Variants in EPHA6 observed in about 807,000 individuals in gnomAD.
EPHA6 encodes ephrin type-A receptor 6.
EPHA6 carries 50 observed loss-of-function variants against 112.0 expected under a neutral mutation model. That is an observed-to-expected ratio of 0.45 (90% confidence interval 0.36 to 0.56). The LOEUF is 0.56. Among genes scored for constraint, EPHA6 ranks in the 20% least tolerant of loss-of-function variants. The pLI, the probability that EPHA6 is intolerant of heterozygous loss-of-function variation, is 0.00. For synonymous variants in EPHA6, 529 were observed against 490.7 expected, an observed-to-expected ratio of 1.08 and a Z score of -1.03; for missense variants, 1,280 against 1,417.4, an observed-to-expected ratio of 0.90 and a Z score of 1.56.
intron 3 of EPHA6, among the ~76,000 whole-genome samples, chr3:97,030,844 A>G (rs2044804702): frequency 6.6e-6 from 1 of 152,028 alleles, no homozygotes; most frequent in Admixed American, 6.6e-5. Flanking sequence ...AAATTATGAG[A>G]GTTTTTCTAT....
intron 2 of EPHA6, among the ~76,000 whole-genome samples, chr3:96,970,885 A>C (rs1433089722): frequency 6.6e-6 from 1 of 152,110 alleles, no homozygotes; most frequent in African/African-American, 2.4e-5. Context: ...AATATGCTTC[A>C]TTCTCTATAA....
At chr3:97,470,606 C>T (rs1458377895) in intron 7 of EPHA6, among the ~76,000 whole-genome samples, 1 of 151,598 alleles carries the variant, frequency 6.6e-6, no homozygotes, top group African/African-American at 2.4e-5. Flanking sequence ...CTTTCTCCGA[C>T]ACTTTCCTAA....
At chr3:96,958,996 G>A (rs975058219) in intron 2 of EPHA6, among the ~76,000 whole-genome samples, 2 of 152,092 alleles carry the variant, frequency 1.3e-5, no homozygotes, top group African/African-American at 2.4e-5. Context: ...TTTGTAAAGC[G>A]TATGTTTTAA....
At chr3:97,009,492 T>C (rs2044001673) in intron 3 of EPHA6, among the ~76,000 whole-genome samples, 1 of 152,190 alleles carries the variant, frequency 6.6e-6, no homozygotes, top group Non-Finnish European at 1.5e-5. Context: ...CCTAGAGCTA[T>C]AGAAATGGGT....
chr3:97,329,313 A>C (rs1322658325), intron 5 of EPHA6, among the ~76,000 whole-genome samples: 4 of 151,316 alleles, frequency 2.6e-5, no homozygotes, highest in Non-Finnish European at 5.9e-5. Context: ...ATGATTTATA[A>C]TCCTTTGGGT....
intron 6 of EPHA6, among the ~76,000 whole-genome samples, chr3:97,422,063 C>A: frequency 7.5e-6 from 1 of 134,172 alleles, no homozygotes; most frequent in African/African-American, 2.7e-5. Context: ...AAATATTTCA[C>A]AAATGAAATG....
In EPHA6 at chr3:97,512,440, T is replaced by G. The variant is rs188227613; in HGVS notation, c.2201-19918T>G. The stretch of plus-strand genomic sequence containing the variant: ...ACTTTTTTAAAATCAAAATAATTAT[T>G]TGAATATTTTTGGAAAGATGCCTTT... On this transcript the variant is annotated intron_variant, in intron 10 of 17. Transcript: ENST00000389672. 2.6e-5 allele frequency among the ~76,000 whole-genome samples: 4 copies of G among 152,246 alleles called. No individual in the cohort carries two copies. The East Asian group carries it at 7.7e-4, about 29-fold the overall frequency.
At chr3:97,481,795 G>T (rs1194732595) in intron 9 of EPHA6, among the ~76,000 whole-genome samples, 1 of 152,204 alleles carries the variant, frequency 6.6e-6, no homozygotes, top group African/African-American at 2.4e-5. Context: ...ACATGGAAAG[G>T]CTGTAAACAG....
chr3:97,515,492 G>A, intron 10 of EPHA6, among the ~76,000 whole-genome samples: 1 of 152,188 alleles, frequency 6.6e-6, no homozygotes, highest in East Asian at 1.9e-4. Context: ...TCTGATGGAA[G>A]AAATGGAAAA....
intron 3 of EPHA6, among the ~76,000 whole-genome samples, chr3:97,153,630 C>T (rs1368139193): frequency 2.6e-5 from 4 of 152,036 alleles, no homozygotes; most frequent in African/African-American, 9.7e-5. Flanking sequence ...AGTTACCTAA[C>T]ATTTTTTTTT....
chr3:96,833,438 A>T (rs757353787), intron 1 of EPHA6, among the ~76,000 whole-genome samples: 1 of 151,868 alleles, frequency 6.6e-6, no homozygotes, highest in African/African-American at 2.4e-5. Context: ...GAACTGTAAG[A>T]CAATAAATGT....
intron 3 of EPHA6, among the ~76,000 whole-genome samples, chr3:97,123,598 G>T (rs1432431286): frequency 6.6e-6 from 1 of 151,960 alleles, no homozygotes; most frequent in Non-Finnish European, 1.5e-5. Flanking sequence ...GCATGTAAAT[G>T]TTAAGTTAAT....
intron 1 of EPHA6, among the ~76,000 whole-genome samples, chr3:96,829,938 T>TGC (rs368535487): frequency 0.052 from 6,295 of 120,078 alleles, 233 homozygotes; most frequent in African/African-American, 0.11. Context: ...CACGTGCATG[T>TGC]GCGCGCGCGC....
chr3:97,452,364 A>G (rs2090556512), intron 7 of EPHA6, among the ~76,000 whole-genome samples: 1 of 151,882 alleles, frequency 6.6e-6, no homozygotes, highest in Admixed American at 6.6e-5. Flanking sequence ...AGAGATATAG[A>G]CAGATTGATA....
At chr3:97,540,471 T>C (rs1177516565) in intron 11 of EPHA6, among the ~76,000 whole-genome samples, 2 of 152,224 alleles carry the variant, frequency 1.3e-5, no homozygotes, top group African/African-American at 4.8e-5. Context: ...AAGAAAAGAA[T>C]AAACTCTTTC....
chr3:97,191,604 A>G (rs2077308171), intron 3 of EPHA6, among the ~76,000 whole-genome samples: 1 of 152,034 alleles, frequency 6.6e-6, no homozygotes, highest in Admixed American at 6.6e-5. Context: ...ATCTCATTTA[A>G]CATAATGTCC....
intron 5 of EPHA6, among the ~76,000 whole-genome samples, chr3:97,275,983 T>TA (rs2080064545): frequency 6.6e-6 from 1 of 151,936 alleles, no homozygotes. Flanking sequence ...CGGGGATAAC[T>TA]AAAAAAGAGT....
intron 3 of EPHA6, among the ~76,000 whole-genome samples, chr3:96,991,486 G>A (rs903133215): frequency 2.6e-5 from 4 of 152,102 alleles, no homozygotes; most frequent in Non-Finnish European, 4.4e-5. Context: ...TTCCTGGAGC[G>A]TAGTTGCTGG....
chr3:97,030,278 A>G (rs891134844), intron 3 of EPHA6, among the ~76,000 whole-genome samples: 1 of 152,070 alleles, frequency 6.6e-6, no homozygotes, highest in South Asian at 2.1e-4. Flanking sequence ...ATCATTTGCC[A>G]TTAGTTCACA....
Sources: gnomAD v4.1 joint callset for allele counts (sites outside exome capture counted in the v4.1 genomes callset) on GRCh38, gnomAD v4.1.1 for gene constraint, MANE v1.5 for transcripts, NCBI Gene and HGNC (gene_info 2026-07-23, HGNC 2026-07-21) for gene names.